Variants in RGS6 observed in about 807,000 individuals in gnomAD.
RGS6 encodes the protein regulator of G protein signaling 6.
RGS6 carries 30 observed loss-of-function variants against 78.5 expected under a neutral mutation model. The ratio of observed to expected loss-of-function variants is 0.38; its 90% confidence interval spans 0.29 to 0.52. RGS6 has a LOEUF of 0.52. Ranked by LOEUF, RGS6 falls within the 20% of genes least tolerant of loss-of-function variation. RGS6 has a pLI of 0.85. For synonymous variants in RGS6, 206 were observed against 206.0 expected, an observed-to-expected ratio of 1.00 and a Z score of 0.00; for missense variants, 495 against 609.7, an observed-to-expected ratio of 0.81 and a Z score of 1.98.
intron 3 of RGS6, among the ~76,000 whole-genome samples, chr14:72,374,293 T>C (rs920965415): frequency 6.8e-6 from 1 of 147,052 alleles, no homozygotes; most frequent in South Asian, 2.3e-4. Flanking sequence ...CCTGTGTCCA[T>C]GTGTTCTCAT....
chr14:72,032,016 C>T (rs1021678476), intron 2 of RGS6, among the ~76,000 whole-genome samples: 5 of 152,120 alleles, frequency 3.3e-5, no homozygotes, highest in Non-Finnish European at 2.9e-5. Flanking sequence ...TTAAACTAAT[C>T]CTAGATTAAG....
At chr14:71,949,269 A>G (rs2092001191) in intron 1 of RGS6, among the ~76,000 whole-genome samples, 1 of 152,130 alleles carries the variant, frequency 6.6e-6, no homozygotes, top group Non-Finnish European at 1.5e-5. Flanking sequence ...GGCTGCACCA[A>G]TTTATATTCC....
intron 2 of RGS6, among the ~76,000 whole-genome samples, chr14:72,326,950 G>T (rs1386732827): frequency 6.6e-6 from 1 of 152,082 alleles, no homozygotes; most frequent in Admixed American, 6.5e-5. Flanking sequence ...CTCGTGATCT[G>T]CCCACCTCGG....
chr14:72,269,145 A>C (rs202080217), intron 2 of RGS6, among the ~76,000 whole-genome samples: 1 of 4,960 alleles, frequency 2.0e-4, no homozygotes, highest in Non-Finnish European at 7.8e-4. Context: ...CCCCCCCACC[A>C]CCCACCTTGC....
intron 2 of RGS6, among the ~76,000 whole-genome samples, chr14:72,144,300 A>G (rs1567302947): frequency 6.6e-6 from 1 of 152,232 alleles, no homozygotes; most frequent in South Asian, 2.1e-4. Flanking sequence ...GTTTGGGAAT[A>G]ATAACTGGCA....
the RGS6 span, among the ~76,000 whole-genome samples, chr14:71,917,714 G>C: frequency 1.3e-5 from 2 of 152,204 alleles, no homozygotes; most frequent in East Asian, 3.8e-4. Context: ...CACAGGGCTG[G>C]AACTGGGAGA....
Position 72,058,507 on chromosome 14 carries a change from G to GTT in RGS6, c.84+93642_84+93643dup, listed in dbSNP as rs756553187. 3.6e-4 allele frequency among the ~76,000 whole-genome samples: 52 copies of GTT among 144,808 alleles called. 1 individual carries two copies. Among genetic ancestry groups the GTT allele is most frequent in the African/African-American group, 9.1e-4 (36 of 39,694 alleles). 95.0% of individuals were successfully genotyped at this position (144,808 alleles called of 152,430 possible). On this transcript the variant is annotated intron_variant, in intron 2 of 17. Transcript: ENST00000553525. ...CTTCTGTGGAATAGGTATATAAAGGGTTTTTTTTTTTGTCTACTGTTATTT... is the reference window on the plus strand; with the variant it reads ...CTTCTGTGGAATAGGTATATAAAGGGTTTTTTTTTTTTTGTCTACTGTTATTT...
the RGS6 span, among the ~76,000 whole-genome samples, chr14:71,914,970 C>T: frequency 4.0e-5 from 6 of 151,536 alleles, no homozygotes; most frequent in Non-Finnish European, 5.9e-5. Context: ...AGATTCAACT[C>T]GGGGTGGTGG....
intron 1 of RGS6, among the ~76,000 whole-genome samples, chr14:71,954,875 T>C (rs2092669254): frequency 6.6e-6 from 1 of 152,248 alleles, no homozygotes. Flanking sequence ...TATCTGTTAA[T>C]GACACAGATA....
intron 2 of RGS6, among the ~76,000 whole-genome samples, chr14:72,021,327 T>C (rs1380878570): frequency 6.6e-6 from 1 of 152,152 alleles, no homozygotes; most frequent in East Asian, 1.9e-4. Context: ...AGTCTTGCTC[T>C]TCTCACCCAT....
At chr14:72,172,863 C>T (rs1382777101) in intron 2 of RGS6, among the ~76,000 whole-genome samples, 1 of 152,194 alleles carries the variant, frequency 6.6e-6, no homozygotes, top group Non-Finnish European at 1.5e-5. Flanking sequence ...CTTCTGATGA[C>T]AAATAATGTT....
the RGS6 span, among the ~76,000 whole-genome samples, chr14:71,867,905 C>T: frequency 6.6e-6 from 1 of 152,094 alleles, no homozygotes; most frequent in South Asian, 2.1e-4. Flanking sequence ...CATAGTGGGG[C>T]CATCCTGAAG....
intron 12 of RGS6, among the ~76,000 whole-genome samples, chr14:72,480,456 C>T (rs1311656012): frequency 6.6e-6 from 1 of 152,180 alleles, no homozygotes; most frequent in Non-Finnish European, 1.5e-5. Flanking sequence ...AAGGATTATT[C>T]CAACTGGCTA....
At chr14:72,184,564 TG>T (rs2097214802) in intron 2 of RGS6, among the ~76,000 whole-genome samples, 1 of 152,206 alleles carries the variant, frequency 6.6e-6, no homozygotes, top group Non-Finnish European at 1.5e-5. Flanking sequence ...AAGTAAACTA[TG>T]ACTGTTTTTA....
chr14:72,481,168 A>AC (rs1312939318), intron 12 of RGS6, among the ~76,000 whole-genome samples: 1 of 152,116 alleles, frequency 6.6e-6, no homozygotes, highest in Non-Finnish European at 1.5e-5. Flanking sequence ...GAGGGGAGAT[A>AC]GTAGTTGTAT....
chr14:72,122,740 GTT>G lies in RGS6; in HGVS notation c.84+157880_84+157881del, dbSNP rs34605194. On this transcript the variant is annotated intron_variant, in intron 2 of 17. Coordinates refer to ENST00000553525, the MANE Select transcript of RGS6 (RefSeq NM_001204424.2). ...CCAGCACTCTGGGTTCTAAGTTATC[GTT>G]TTTTTTTTTTTTTTCCATTCTATAT... Among the ~76,000 whole-genome samples, 362 of 132,310 alleles carry G rather than the reference GTT, an allele frequency of 2.7e-3. 2 individuals carry two copies. The highest frequency in any genetic ancestry group is 8.5e-3 in the African/African-American group (307 of 36,060). The allele number at this position is 132,310 out of a possible 152,430, so 86.8% of individuals were successfully genotyped here.
intron 2 of RGS6, among the ~76,000 whole-genome samples, chr14:72,178,042 A>T (rs2097129147): frequency 6.6e-6 from 1 of 151,884 alleles, no homozygotes; most frequent in Non-Finnish European, 1.5e-5. Context: ...TTCCTCCCTG[A>T]CTCGCATTCC....
At chr14:72,009,302 T>G (rs2085209917) in intron 2 of RGS6, among the ~76,000 whole-genome samples, 1 of 152,140 alleles carries the variant, frequency 6.6e-6, no homozygotes, top group African/African-American at 2.4e-5. Context: ...AGCCATTAAC[T>G]GTGCCACTGA....
chr14:72,453,798 C>G (rs1470403579), intron 3 of RGS6, among the ~76,000 whole-genome samples: 2 of 152,012 alleles, frequency 1.3e-5, no homozygotes, highest in Non-Finnish European at 2.9e-5. Flanking sequence ...TGGTTGGAAC[C>G]GTGGCTCCCT....
Sources: allele counts gnomAD v4.1 joint callset (sites outside exome capture counted in the v4.1 genomes callset), GRCh38; gene constraint gnomAD v4.1.1; transcripts MANE v1.5; gene names NCBI Gene and HGNC (gene_info 2026-07-23, HGNC 2026-07-21).